AMMECR1L: variants seen among roughly 807,000 people sequenced by gnomAD.
AMMECR1L encodes AMMECR1 like.
AMMECR1L carries 4 observed loss-of-function variants against 36.8 expected under a neutral mutation model. The ratio of observed to expected loss-of-function variants is 0.11; its 90% CI spans 0.05 to 0.25. The LOEUF is 0.25. Ranked by LOEUF, AMMECR1L falls within the 10% of genes least tolerant of loss-of-function variation. AMMECR1L has a pLI of 1.00. For synonymous variants in AMMECR1L, 147 were observed against 148.0 expected (o/e 0.99, Z 0.05); for missense variants, 232 against 392.1 (o/e 0.59, Z 3.45).
At chr2:127,875,959 A>G (rs1462382539) in intron 2 of AMMECR1L, among the ~76,000 whole-genome samples, 1 of 150,628 alleles carries the variant, frequency 6.6e-6, no homozygotes, top group African/African-American at 2.5e-5. Flanking sequence ...ATGCCCAGCT[A>G]TCTTTTTTTT....
intron 3 of AMMECR1L, among the ~76,000 whole-genome samples, chr2:127,872,822 C>T (rs1691050133): frequency 1.3e-5 from 2 of 152,198 alleles, no homozygotes; most frequent in South Asian, 2.1e-4. Context: ...GGATCTCACT[C>T]AGGCTTGGGA....
At position 127,861,694 on chromosome 2, in the gene AMMECR1L, A is replaced by C. The variant is rs1379109409; in HGVS notation, c.*3400T>G. 1 of 152,220 alleles carries C rather than the reference A, an allele frequency of 6.6e-6. No individual in the cohort carries two copies. Among genetic ancestry groups the C allele is most frequent in the Non-Finnish European group, 1.5e-5 (1 of 68,042 alleles). 9.4% of individuals were successfully genotyped at this position (152,220 alleles called of 1,614,324 possible). On this transcript the variant is annotated 3_prime_UTR_variant, in exon 8 of 8. Transcript: ENST00000272647. ...AAAGTGTTCAATGATTTGCACTCAGAAGTTATATAGCCAAGAGGCAACCAA... is the reference window on the plus strand; with the variant it reads ...AAAGTGTTCAATGATTTGCACTCAGCAGTTATATAGCCAAGAGGCAACCAA...
chr2:127,877,292 T>C (rs1398344902), intron 2 of AMMECR1L, among the ~76,000 whole-genome samples: 1 of 150,882 alleles, frequency 6.6e-6, no homozygotes, highest in African/African-American at 2.4e-5. Context: ...ACCATCATTT[T>C]ACATTTTACA....
In AMMECR1L at chr2:127,865,149, T is replaced by G. The variant is rs1469035707; in HGVS notation, c.878A>C (p.His293Pro). The G allele has an allele frequency of 6.2e-7, 1 of 1,613,970 alleles. No homozygotes were observed. The highest frequency in any genetic ancestry group is 8.5e-7 in the Non-Finnish European group (1 of 1,179,936). ...SYAEYIASRQ[H>P]CFQNGTLHAP... is the part of the protein sequence containing the mutation. Reference sequence around the variant, plus strand: ...ATGAAGAGTGCCGTTCTGGAAACAGTGCTGTCGGGAAGCAATATACTCTGC... The same window carrying G: ...ATGAAGAGTGCCGTTCTGGAAACAGGGCTGTCGGGAAGCAATATACTCTGC... The change falls in exon 8 of 8, where the codon CAC becomes CCC. Residue 293 changes from histidine to proline, a missense_variant. This residue lies in a region of AMMECR1L where 40 missense variants were observed against 34.5 expected (regional missense o/e 1.16). Coordinates refer to ENST00000272647, the MANE Select transcript of AMMECR1L (RefSeq NM_001199140.2). This position sits in a 1 kb window ranked among gnomAD's most constrained non-coding sequence, Gnocchi z 5.4.
chr2:127,874,803 T>C lies in AMMECR1L; in HGVS notation c.-38-531A>G, dbSNP rs1691149043. On this transcript the variant is annotated intron_variant, in intron 2 of 7. Transcript: ENST00000272647. The surrounding 1 kb of genome is among the most constrained non-coding windows in gnomAD (Gnocchi z 5.2). ...AAACCACAGCAAGGATGAAAAGCAGTTGGCTGTCACTCTGAAGAGGGCACA... is the reference window on the plus strand; with the variant it reads ...AAACCACAGCAAGGATGAAAAGCAGCTGGCTGTCACTCTGAAGAGGGCACA... Among the ~76,000 whole-genome samples, 1 of 152,228 alleles carries C rather than the reference T, an allele frequency of 6.6e-6. No homozygotes were observed. The highest frequency in any genetic ancestry group is 2.4e-5 in the African/African-American group (1 of 41,462).
chr2:127,878,541 T>C (rs906061156), intron 2 of AMMECR1L, among the ~76,000 whole-genome samples: 18 of 152,252 alleles, frequency 1.2e-4, no homozygotes, highest in African/African-American at 1.7e-4. Flanking sequence ...TTCCAGGTGG[T>C]ATCAGCCACC....
intron 2 of AMMECR1L, among the ~76,000 whole-genome samples, chr2:127,876,317 T>C (rs1573555496): frequency 7.1e-6 from 1 of 141,198 alleles, no homozygotes; most frequent in African/African-American, 2.7e-5. Context: ...GCCACTGCAC[T>C]CCAGCCTGGG....
chr2:127,875,201 G>A (rs769194893), intron 2 of AMMECR1L, among the ~76,000 whole-genome samples: 1 of 152,116 alleles, frequency 6.6e-6, no homozygotes, highest in Non-Finnish European at 1.5e-5. Context: ...CGGTAAAAAT[G>A]TATAGCCATA....
chr2:127,878,338 C>T (rs772020989), intron 2 of AMMECR1L, among the ~76,000 whole-genome samples: 11 of 152,126 alleles, frequency 7.2e-5, no homozygotes, highest in Non-Finnish European at 1.5e-4. Flanking sequence ...GCAGCAGGAC[C>T]GCATTCCCAG....
Position 127,871,043 on chromosome 2 carries a change from C to T in AMMECR1L, c.519-115G>A, listed in dbSNP as rs1386346482. The T allele has an allele frequency of 1.1e-5, 10 of 929,362 alleles. No homozygotes were observed. In the Admixed American group the frequency reaches 1.9e-4, roughly 17 times the overall value. The allele number at this position is 929,362 out of a possible 1,614,324, so 57.6% of individuals were successfully genotyped here. Reference sequence around the variant, plus strand: ...AGCTATGCAGAGAGTATCTATTGTTCATCAACACTAACATGTTAAAAACAA... The same window carrying T: ...AGCTATGCAGAGAGTATCTATTGTTTATCAACACTAACATGTTAAAAACAA... On this transcript the variant is annotated intron_variant, in intron 4 of 7. Transcript: ENST00000272647. The surrounding 1 kb of genome is among the most constrained non-coding windows in gnomAD (Gnocchi z 4.3).
intron 2 of AMMECR1L, among the ~76,000 whole-genome samples, chr2:127,876,321 G>A (rs150459721): frequency 6.9e-6 from 1 of 145,954 alleles, no homozygotes; most frequent in East Asian, 2.0e-4. Context: ...CTGCACTCCA[G>A]CCTGGGCAAC....
At chr2:127,878,455 C>T (rs1691347938) in intron 2 of AMMECR1L, among the ~76,000 whole-genome samples, 1 of 152,082 alleles carries the variant, frequency 6.6e-6, no homozygotes, top group South Asian at 2.1e-4. Flanking sequence ...AACCTTTCAT[C>T]ATTCTCATTA....
rs372123352 is a variant in AMMECR1L, at chr2:127,873,987, G to A, written c.248C>T (p.Ser83Leu). The change falls in exon 3 of 8, where the codon TCG (serine) becomes TTG (leucine). Residue 83 changes from serine to leucine, a missense_variant. Ser to Leu is a moderately radical substitution (Grantham distance 145). Transcript: ENST00000272647. This position sits in a 1 kb window ranked among gnomAD's most constrained non-coding sequence, Gnocchi z 5.2. ...NSPITRMNPA[S>L]GALSPLPRPN... ...CCGGGGAAGAGGGCTCAGCGCTCCC[G>A]ATGCGGGATTCATTCGTGTGATGGG... 6.2e-6 allele frequency: 10 copies of A among 1,614,228 alleles called. No homozygotes were observed. Among genetic ancestry groups the A allele is most frequent in the South Asian group, 1.1e-5 (1 of 91,082 alleles).
chr2:127,885,501 G>C (rs1691728493), intron 1 of AMMECR1L: 1 of 984,186 alleles, frequency 1.0e-6, no homozygotes. Context: ...CTGCTTCCTG[G>C]AGGGAGTGCA....
rs1165794725 is a variant in AMMECR1L at position 127,871,697 on chromosome 2, CCTAAGT to C, written c.408-344_408-339del. ...CTTCGAATTCTCCAGTTTCCTCTTC[CCTAAGT>C]CTATTTATCCAGGTAGCCATGCTCC... On this transcript the variant is annotated intron_variant, in intron 3 of 7. Coordinates refer to ENST00000272647, the MANE Select transcript of AMMECR1L (RefSeq NM_001199140.2). The surrounding 1 kb of genome is among the most constrained non-coding windows in gnomAD (Gnocchi z 4.3). 6.6e-6 allele frequency among the ~76,000 whole-genome samples: 1 copy of C among 152,088 alleles called. No individual in the cohort carries two copies. The highest frequency in any genetic ancestry group is 2.4e-5 in the African/African-American group (1 of 41,402).
At position 127,873,642 on chromosome 2, in the gene AMMECR1L, CTCCCT is replaced by C; in HGVS notation, c.407+181_407+185del. 1.0e-6 allele frequency: 1 copy of C among 985,470 alleles called. No individual in the cohort carries two copies. The highest frequency in any genetic ancestry group is 1.2e-6 in the Non-Finnish European group (1 of 829,942). The allele number at this position is 985,470 out of a possible 1,614,324, so 61.0% of individuals were successfully genotyped here. A position where few individuals can be genotyped will look rare whatever the true frequency, so the allele number is the denominator to read the frequency against. On this transcript the variant is annotated intron_variant, in intron 3 of 7. Coordinates refer to ENST00000272647, the MANE Select transcript of AMMECR1L (RefSeq NM_001199140.2). The surrounding 1 kb of genome is among the most constrained non-coding windows in gnomAD (Gnocchi z 5.2). ...TACAGCCTCCTCCAAATGTGAACTG[CTCCCT>C]TCCATTACTGAATCCACTGAATGTT...
chr2:127,881,639 C>T (rs183285404), intron 2 of AMMECR1L, among the ~76,000 whole-genome samples: 149 of 152,332 alleles, frequency 9.8e-4, no homozygotes, highest in African/African-American at 3.3e-3. Flanking sequence ...AAGCACCTGG[C>T]AGTTCTGTGG....
chr2:127,873,446 T>C lies in AMMECR1L; in HGVS notation c.407+382A>G, dbSNP rs888316211. 21 of 985,468 alleles carry C rather than the reference T, an allele frequency of 2.1e-5. No individual in the cohort carries two copies. The highest frequency in any genetic ancestry group is 2.5e-5 in the Non-Finnish European group (21 of 829,936). 61.0% of individuals were successfully genotyped at this position (985,468 alleles called of 1,614,324 possible). A position where few individuals can be genotyped will look rare whatever the true frequency, so the allele number is the denominator to read the frequency against. On this transcript the variant is annotated intron_variant, in intron 3 of 7. Coordinates refer to ENST00000272647, the MANE Select transcript of AMMECR1L (RefSeq NM_001199140.2). This position sits in a 1 kb window ranked among gnomAD's most constrained non-coding sequence, Gnocchi z 5.2. ...GAATGAGAGCTCCTAGTCTCCAGCC[T>C]GGCCCTCAGACTTCCAACTCACCTG...
chr2:127,873,039 C>T lies in AMMECR1L; in HGVS notation c.407+789G>A. On this transcript the variant is annotated intron_variant, in intron 3 of 7. Coordinates refer to ENST00000272647, the MANE Select transcript of AMMECR1L (RefSeq NM_001199140.2). The surrounding 1 kb of genome is among the most constrained non-coding windows in gnomAD (Gnocchi z 5.2). ...CTTTTCTTCACACCCTCTCCATGCC[C>T]CAGCCAAGGTTTTGTAGTCTCCGTA... 5 of 985,398 alleles carry T rather than the reference C, an allele frequency of 5.1e-6. No individual in the cohort carries two copies. Among genetic ancestry groups the T allele is most frequent in the Non-Finnish European group, 6.0e-6 (5 of 829,924 alleles). 61.0% of individuals were successfully genotyped at this position (985,398 alleles called of 1,614,324 possible).
Sources: gnomAD v4.1 joint callset for allele counts (sites outside exome capture counted in the v4.1 genomes callset) on GRCh38, gnomAD v4.1.1 for gene constraint, gnomAD v4.1.1 regional missense constraint, Gnocchi (gnomAD v3.1) non-coding constraint, MANE v1.5 for transcripts, NCBI Gene and HGNC (gene_info 2026-07-23, HGNC 2026-07-21) for gene names.